DAB1: variants seen among roughly 807,000 people sequenced by gnomAD.
The protein encoded by DAB1 is DAB adaptor protein 1, also known as disabled homolog 1.
Under a neutral mutation model 64.6 loss-of-function variants are expected in DAB1, and 15 were observed. The ratio of observed to expected loss-of-function variants is 0.23; its 90% confidence interval spans 0.16 to 0.36. The LOEUF is 0.36. Among genes scored for constraint, DAB1 ranks in the 10% least tolerant of loss-of-function variants. The pLI is 1.00. For synonymous variants in DAB1, 235 were observed against 251.9 expected (o/e 0.93, Z 0.64); for missense variants, 596 against 706.7 (o/e 0.84, Z 1.78).
intron 6 of DAB1, among the ~76,000 whole-genome samples, chr1:57,761,835 C>T (rs147154700): frequency 1.3e-3 from 202 of 152,300 alleles, no homozygotes; most frequent in African/African-American, 4.3e-3. Flanking sequence ...AAACACAAAA[C>T]AGATGGCTGA....
intron 1 of DAB1, among the ~76,000 whole-genome samples, chr1:57,305,738 G>C (rs1176908232): frequency 6.6e-6 from 1 of 152,120 alleles, no homozygotes; most frequent in African/African-American, 2.4e-5. Flanking sequence ...GGGAGGCGGA[G>C]GCGGGCAGAT....
chr1:57,887,220 T>C (rs1163622134), upstream of DAB1, among the ~76,000 whole-genome samples: 1 of 152,168 alleles, frequency 6.6e-6, no homozygotes, highest in African/African-American at 2.4e-5. Context: ...TTATACCCAG[T>C]TGTTTTGTAC....
chr1:57,985,054 C>T (rs943184449), intron 5 of DAB1, among the ~76,000 whole-genome samples: 1 of 152,116 alleles, frequency 6.6e-6, no homozygotes. Flanking sequence ...ATTACAGGCG[C>T]ACGCCACCAG....
chr1:57,335,101 A>G (rs1676971369), intron 1 of DAB1, among the ~76,000 whole-genome samples: 1 of 152,202 alleles, frequency 6.6e-6, no homozygotes, highest in Admixed American at 6.5e-5. Context: ...TGTTCTTCTA[A>G]GCTGGGCTAA....
At chr1:57,802,559 G>A (rs6659795) in intron 6 of DAB1, among the ~76,000 whole-genome samples, 57,359 of 152,006 alleles carry the variant, frequency 0.38, 11,281 homozygotes, top group South Asian at 0.5. Flanking sequence ...ATCCAGTGTC[G>A]AATCATAACC....
intron 5 of DAB1, among the ~76,000 whole-genome samples, chr1:57,949,501 ATCTATCTATATCTGTCTG>A (rs1645236365): frequency 6.7e-6 from 1 of 150,148 alleles, no homozygotes; most frequent in Admixed American, 6.6e-5. Flanking sequence ...CTATCTATCT[ATCTATCTATATCTGTCTG>A]TCTGTCTGTC....
At chr1:58,274,608 G>A (rs990501287) in intron 4 of DAB1, among the ~76,000 whole-genome samples, 1 of 151,316 alleles carries the variant, frequency 6.6e-6, no homozygotes, top group African/African-American at 2.4e-5. Context: ...CCCCAGCCTC[G>A]CTGCCGCCTT....
intron 6 of DAB1, among the ~76,000 whole-genome samples, chr1:57,761,961 C>G (rs1231620615): frequency 6.6e-6 from 1 of 152,114 alleles, no homozygotes; most frequent in Non-Finnish European, 1.5e-5. Context: ...ATTTCTGTAC[C>G]CACCGTGCCC....
intron 7 of DAB1, among the ~76,000 whole-genome samples, chr1:57,607,665 A>G (rs1254231354): frequency 6.6e-6 from 1 of 152,146 alleles, no homozygotes; most frequent in Non-Finnish European, 1.5e-5. Context: ...TTACCACTCA[A>G]ATGAATCTTG....
At chr1:57,982,598 T>A (rs186847227) in intron 5 of DAB1, among the ~76,000 whole-genome samples, 3 of 152,266 alleles carry the variant, frequency 2.0e-5, no homozygotes, top group African/African-American at 7.2e-5. Flanking sequence ...TTTATTGTGG[T>A]TTCAGTATCT....
Position 57,532,289 on chromosome 1 carries a change from C to T in DAB1, n.625+117303G>A, listed in dbSNP as rs370492404. On this transcript the variant is annotated intron_variant and non_coding_transcript_variant, in intron 7 of 20. Coordinates refer to the DAB1 transcript ENST00000485760. ...ATTACTCTGCTGTCTTATTGTACAA[C>T]ACAACTTCTTTAATGAAGAGCCTGT... 4.6e-5 allele frequency among the ~76,000 whole-genome samples: 7 copies of T among 151,250 alleles called. No individual in the cohort carries two copies. In the South Asian group the frequency reaches 1.3e-3, roughly 27 times the overall value.
At position 57,005,435 on chromosome 1, in the gene DAB1, A is replaced by C. The variant is rs565493988; in HGVS notation, c.*15+5245T>G. ...CTGGGGATCCTAATGAAGTCAGCGT[A>C]TTTTAGGGATTTCTGTCTTCTCCTT... On this transcript the variant is annotated intron_variant, in intron 14 of 14. Transcript: ENST00000371236. Among the ~76,000 whole-genome samples the C allele has an allele frequency of 8.8e-4, 134 of 152,282 alleles. 2 individuals carry two copies. The highest frequency in any genetic ancestry group is 6.8e-3 in the South Asian group (33 of 4,818).
chr1:56,995,681 A>G lies in DAB1; in HGVS notation c.*2463T>C, dbSNP rs1645590419. The G allele has an allele frequency of 6.6e-6, 1 of 152,266 alleles. No individual in the cohort carries two copies. The highest frequency in any genetic ancestry group is 1.5e-5 in the Non-Finnish European group (1 of 68,054). The allele number at this position is 152,266 out of a possible 1,614,324, so 9.4% of individuals were successfully genotyped here. A position where few individuals can be genotyped will look rare whatever the true frequency, so the allele number is the denominator to read the frequency against. On this transcript the variant is annotated 3_prime_UTR_variant, in exon 15 of 15. Coordinates refer to ENST00000371236, the MANE Select transcript of DAB1 (RefSeq NM_001365792.1). ...ATTGGTATAATGGTGTGATACTGCA[A>G]GACAAACTCAAGACAGCCATATTGA...
chr1:57,747,841 A>G lies in DAB1; in HGVS notation n.552-98176T>C, dbSNP rs544621118. Reference sequence around the variant, plus strand: ...AAAAAAAAAAAAAAAAAAGAATACCATTGTATTCTGAGCTAGGCCAACTGG... The same window carrying G: ...AAAAAAAAAAAAAAAAAAGAATACCGTTGTATTCTGAGCTAGGCCAACTGG... On this transcript the variant is annotated intron_variant and non_coding_transcript_variant, in intron 6 of 20. Transcript: ENST00000485760. 1.9e-4 allele frequency among the ~76,000 whole-genome samples: 28 copies of G among 145,972 alleles called. No homozygotes were observed. The East Asian group carries it at 5.7e-3, about 30-fold the overall frequency.
At chr1:57,402,991 G>T (rs556352029) in intron 1 of DAB1, among the ~76,000 whole-genome samples, 2 of 152,132 alleles carry the variant, frequency 1.3e-5, no homozygotes, top group Non-Finnish European at 2.9e-5. Flanking sequence ...ACCCAAGAAG[G>T]CTTCAAAGAT....
chr1:58,071,573 T>G (rs899289960), intron 5 of DAB1: 11 of 152,060 alleles, frequency 7.2e-5, no homozygotes, highest in African/African-American at 2.7e-4. Flanking sequence ...AACATGGAGG[T>G]TGCCTTAAAG....
chr1:57,964,592 C>T (rs1352557658), intron 5 of DAB1, among the ~76,000 whole-genome samples: 1 of 152,124 alleles, frequency 6.6e-6, no homozygotes, highest in Non-Finnish European at 1.5e-5. Flanking sequence ...CTCATGTTTC[C>T]AGCATAGATT....
intron 5 of DAB1, among the ~76,000 whole-genome samples, chr1:58,141,010 C>G (rs992283999): frequency 2.0e-5 from 3 of 152,214 alleles, no homozygotes; most frequent in African/African-American, 7.2e-5. Flanking sequence ...GTTCTGCAGG[C>G]TATACAGGAA....
chr1:57,238,852 C>CACACATAT (rs765466460), intron 2 of DAB1, among the ~76,000 whole-genome samples: 2 of 141,562 alleles, frequency 1.4e-5, no homozygotes, highest in East Asian at 4.3e-4. Context: ...CACACACACA[C>CACACATAT]ACACACATAC....
Sources: allele counts gnomAD v4.1 joint callset (sites outside exome capture counted in the v4.1 genomes callset), GRCh38; gene constraint gnomAD v4.1.1; transcripts MANE v1.5; gene names NCBI Gene and HGNC (gene_info 2026-07-23, HGNC 2026-07-21).